Variants in PTDSS1 observed in about 807,000 individuals in gnomAD.
PTDSS1 encodes phosphatidylserine synthase 1.
Under a neutral mutation model 70.5 loss-of-function variants are expected in PTDSS1, and 45 were observed. The observed-to-expected ratio is 0.64, with a 90% CI of 0.50 to 0.82. The LOEUF is 0.82. Among genes scored for constraint, PTDSS1 ranks in the 40% least tolerant of loss-of-function variants. The pLI is 0.00. For missense variants in PTDSS1, 417 were observed against 586.1 expected, an observed-to-expected ratio of 0.71 and a Z score of 2.98; for synonymous variants, 188 against 203.8, an observed-to-expected ratio of 0.92 and a Z score of 0.66.
intron 2 of PTDSS1, 119 bp from the exon 3 acceptor site, chr8:96,283,990 A>G (rs945652992): frequency 2.6e-6 from 2 of 776,750 alleles, no homozygotes; most frequent in Admixed American, 5.7e-5. Context: ...AAAAAAAAAA[A>G]ACTTTTAACA....
Position 96,334,156 on chromosome 8 carries a change from G to A in PTDSS1, c.*590G>A, listed in dbSNP as rs1050142. 0.015 allele frequency: 3,467 copies of A among 234,108 alleles called. 117 individuals are homozygous for A. Among genetic ancestry groups the A allele is most frequent in the African/African-American group, 0.073 (3,226 of 44,058 alleles). 14.5% of individuals were successfully genotyped at this position (234,108 alleles called of 1,614,324 possible). A position where few individuals can be genotyped will look rare whatever the true frequency, so the allele number is the denominator to read the frequency against. On this transcript the variant is annotated 3_prime_UTR_variant, in exon 13 of 13. Coordinates refer to ENST00000517309, the MANE Select transcript of PTDSS1 (RefSeq NM_014754.3). ...CCTTCTAGAGCAGAAAAGGGAGAGA[G>A]GTGTTGTATTCCTGTTTGGTAACCT... is the stretch of plus-strand genomic sequence containing the variant.
At chr8:96,267,767 T>C (rs1369399474) in intron 1 of PTDSS1, among the ~76,000 whole-genome samples, 1 of 152,076 alleles carries the variant, frequency 6.6e-6, no homozygotes, top group Non-Finnish European at 1.5e-5. Context: ...TTCCCACCTC[T>C]ATCCCTCCCT....
chr8:96,276,268 G>A (rs1810639481), intron 2 of PTDSS1, among the ~76,000 whole-genome samples: 1 of 152,174 alleles, frequency 6.6e-6, no homozygotes, highest in South Asian at 2.1e-4. Flanking sequence ...TTTTCTTGAG[G>A]TACCAAAGGC....
intron 10 of PTDSS1, among the ~76,000 whole-genome samples, chr8:96,325,662 C>T (rs1425315658): frequency 2.0e-5 from 3 of 152,190 alleles, no homozygotes; most frequent in African/African-American, 7.2e-5. Context: ...CCTCCAAATC[C>T]ATTCTCCATG....
chr8:96,286,465 T>A (rs1014400552), intron 3 of PTDSS1, among the ~76,000 whole-genome samples: 1 of 152,196 alleles, frequency 6.6e-6, no homozygotes, highest in Admixed American at 6.5e-5. Flanking sequence ...CTCTTGAACC[T>A]TACACTGGTA....
chr8:96,273,874 T>C (rs558347727), intron 2 of PTDSS1, among the ~76,000 whole-genome samples: 1 of 152,366 alleles, frequency 6.6e-6, no homozygotes, highest in South Asian at 2.1e-4. Flanking sequence ...ATTATGCATT[T>C]AGGATATGAA....
chr8:96,295,991 G>A (rs931036407), intron 5 of PTDSS1, among the ~76,000 whole-genome samples: 3 of 152,030 alleles, frequency 2.0e-5, no homozygotes, highest in South Asian at 2.1e-4. Flanking sequence ...GTTCCCCCTG[G>A]GGCCTTTTGG....
chr8:96,281,929 G>C (rs982486842), intron 2 of PTDSS1, among the ~76,000 whole-genome samples: 13 of 152,142 alleles, frequency 8.5e-5, no homozygotes, highest in African/African-American at 2.9e-4. Flanking sequence ...ACTGTGTGGG[G>C]GTGTCTCATT....
intron 9 of PTDSS1, among the ~76,000 whole-genome samples, chr8:96,311,006 C>CT: frequency 6.6e-6 from 1 of 151,814 alleles, no homozygotes; most frequent in African/African-American, 2.4e-5. Flanking sequence ...ACCTCGTGAT[C>CT]CACCCACCTT....
intron 9 of PTDSS1, among the ~76,000 whole-genome samples, chr8:96,309,944 C>G (rs1240945090): frequency 6.6e-6 from 1 of 151,940 alleles, no homozygotes; most frequent in Non-Finnish European, 1.5e-5. Context: ...GGGCGGATCA[C>G]TTGAGCCCAG....
At chr8:96,286,996 C>T (rs763064120) in intron 3 of PTDSS1, 26 bp from the exon 4 acceptor site, 23 of 1,613,028 alleles carry the variant, frequency 1.4e-5, no homozygotes, top group Non-Finnish European at 1.9e-5. Flanking sequence ...CTCTTCTAAA[C>T]TTCAGCATGT....
At chr8:96,321,657 A>G (rs1227377259) in intron 10 of PTDSS1, among the ~76,000 whole-genome samples, 2 of 151,988 alleles carry the variant, frequency 1.3e-5, no homozygotes, top group Non-Finnish European at 2.9e-5. Context: ...GCTTAATCAC[A>G]TTTGGGTCTA....
chr8:96,330,129 G>A lies in PTDSS1; in HGVS notation c.1174-84G>A, dbSNP rs542683240. ...TCCAGACGGCAGAAATGCATTGAACGGTCCTGCATTGATTCCCACTGAAAC... is the reference window on the plus strand; with the variant it reads ...TCCAGACGGCAGAAATGCATTGAACAGTCCTGCATTGATTCCCACTGAAAC... On this transcript the variant is annotated intron_variant, in intron 10 of 12. Transcript: ENST00000517309. 133 of 1,289,236 alleles carry A rather than the reference G, an allele frequency of 1.0e-4. No individual in the cohort carries two copies. The African/African-American group carries it at 1.4e-3, about 14-fold the overall frequency. 79.9% of individuals were successfully genotyped at this position (1,289,236 alleles called of 1,614,324 possible).
intron 4 of PTDSS1, 28 bp from the exon 5 acceptor site, chr8:96,295,070 T>A (rs774446339): frequency 6.3e-7 from 1 of 1,575,070 alleles, no homozygotes; most frequent in African/African-American, 1.4e-5. Flanking sequence ...AGAGTTTCAC[T>A]AATTATTCTC....
At chr8:96,289,447 A>G (rs920866549) in intron 4 of PTDSS1, among the ~76,000 whole-genome samples, 1 of 152,218 alleles carries the variant, frequency 6.6e-6, no homozygotes, top group Non-Finnish European at 1.5e-5. Flanking sequence ...CAAAGAACAG[A>G]TATTAGAACA....
At chr8:96,327,535 A>G (rs1286809974) in intron 10 of PTDSS1, among the ~76,000 whole-genome samples, 1 of 152,184 alleles carries the variant, frequency 6.6e-6, no homozygotes, top group African/African-American at 2.4e-5. Context: ...AGAGGCGAAC[A>G]TTATTCAATA....
intron 10 of PTDSS1, 23 bp from the exon 11 acceptor site, chr8:96,330,190 C>T (rs1811493486): frequency 1.3e-6 from 2 of 1,596,648 alleles, no homozygotes; most frequent in Admixed American, 1.7e-5. Context: ...TTTTGTGCAG[C>T]ATCATTTGTT....
intron 2 of PTDSS1, among the ~76,000 whole-genome samples, chr8:96,277,344 G>A (rs1379006112): frequency 1.3e-5 from 2 of 152,216 alleles, no homozygotes; most frequent in East Asian, 1.9e-4. Context: ...GAGGGCCCTG[G>A]GCAGGGTGCC....
chr8:96,294,750 C>CT (rs951243145), intron 4 of PTDSS1, among the ~76,000 whole-genome samples: 1 of 152,108 alleles, frequency 6.6e-6, no homozygotes, highest in African/African-American at 2.4e-5. Context: ...TATTGGGAAT[C>CT]TTTTATTTGT....
Sources: allele counts gnomAD v4.1 joint callset (sites outside exome capture counted in the v4.1 genomes callset), GRCh38; gene constraint gnomAD v4.1.1; transcripts MANE v1.5; gene names NCBI Gene and HGNC (gene_info 2026-07-23, HGNC 2026-07-21).